The following GRB10 variants were observed in gnomAD, a reference collection of about 807,000 sequenced individuals.
GRB10 encodes growth factor receptor-bound protein 10.
Under a neutral mutation model 80.9 loss-of-function variants are expected in GRB10, and 20 were observed. The observed-to-expected ratio is 0.25, with a 90% CI of 0.17 to 0.36. The LOEUF is 0.36. GRB10 is among the 10% of genes least tolerant of loss of function. GRB10 has a pLI of 1.00. For missense variants in GRB10, 548 were observed against 747.7 expected (o/e 0.73, Z 3.12); for synonymous variants, 291 against 291.5 (o/e 1.00, Z 0.02).
At chr7:50,688,945 G>A (rs1199960174) in intron 5 of GRB10, among the ~76,000 whole-genome samples, 3 of 152,192 alleles carry the variant, frequency 2.0e-5, no homozygotes, top group Admixed American at 1.3e-4. Flanking sequence ...GTCTGTGACA[G>A]GAAGTACTCC....
At chr7:50,602,027 T>C (rs2047698185) in intron 17 of GRB10, among the ~76,000 whole-genome samples, 1 of 149,318 alleles carries the variant, frequency 6.7e-6, no homozygotes, top group African/African-American at 2.5e-5. Context: ...AACACAAAAA[T>C]CTAAGTTCAC....
intron 5 of GRB10, among the ~76,000 whole-genome samples, chr7:50,701,942 T>C (rs769269075): frequency 1.3e-5 from 2 of 152,258 alleles, no homozygotes; most frequent in Non-Finnish European, 2.9e-5. Context: ...GCTAAATTGG[T>C]AATCTCTTGG....
intron 4 of GRB10, among the ~76,000 whole-genome samples, chr7:50,708,239 G>T (rs2065306868): frequency 6.6e-6 from 1 of 152,222 alleles, no homozygotes; most frequent in Admixed American, 6.5e-5. Flanking sequence ...ATTTCAACAA[G>T]TGGCTCATTT....
At chr7:50,690,578 A>G (rs143715684) in intron 5 of GRB10, among the ~76,000 whole-genome samples, 40 of 152,356 alleles carry the variant, frequency 2.6e-4, no homozygotes, top group Middle Eastern at 3.4e-3. Context: ...ATTAAATCAG[A>G]AATGACTCAC....
chr7:50,662,995 T>C (rs1251737496), intron 7 of GRB10, among the ~76,000 whole-genome samples: 1 of 152,216 alleles, frequency 6.6e-6, no homozygotes, highest in Non-Finnish European at 1.5e-5. Context: ...CATAGATTCA[T>C]TTGTTGATTC....
Position 50,590,760 on chromosome 7 carries a change from C to T in GRB10, c.*2192G>A, listed in dbSNP as rs563739387. 4.6e-5 allele frequency: 7 copies of T among 152,698 alleles called. No individual in the cohort carries two copies. Among genetic ancestry groups the T allele is most frequent in the Admixed American group, 1.3e-4 (2 of 15,306 alleles). The allele number at this position is 152,698 out of a possible 1,614,324, so 9.5% of individuals were successfully genotyped here. On this transcript the variant is annotated 3_prime_UTR_variant, in exon 19 of 19. Transcript: ENST00000401949. ...GCTGGGGCCTTAGGAAGTCTGCCGC[C>T]ACGTGGAGGCGGTTTACATTCTCCA... is the stretch of plus-strand genomic sequence containing the variant.
chr7:50,614,289 CGT>C (rs1318047106), intron 12 of GRB10, among the ~76,000 whole-genome samples: 3 of 152,148 alleles, frequency 2.0e-5, no homozygotes, highest in Admixed American at 6.5e-5. Context: ...TGTGTGCACA[CGT>C]GTGTGTGCAT....
intron 18 of GRB10, among the ~76,000 whole-genome samples, chr7:50,594,276 G>C (rs969109492): frequency 2.0e-5 from 3 of 152,164 alleles, no homozygotes. Flanking sequence ...GGGGATGTCA[G>C]CACACAGCAG....
intron 2 of GRB10, among the ~76,000 whole-genome samples, chr7:50,764,298 C>T (rs1008714347): frequency 2.0e-5 from 3 of 152,236 alleles, no homozygotes; most frequent in African/African-American, 7.2e-5. Flanking sequence ...TTCTGCAGAA[C>T]ACATCAGGCT....
At chr7:50,674,684 A>G (rs777819350) in intron 5 of GRB10, 26 bp from the exon 6 acceptor site, 2 of 1,601,498 alleles carry the variant, frequency 1.2e-6, no homozygotes, top group Non-Finnish European at 1.7e-6. Context: ...CAAGAGCAAA[A>G]AAGAAACTTT....
At chr7:50,687,710 T>C (rs747684970) in intron 5 of GRB10, among the ~76,000 whole-genome samples, 6 of 152,054 alleles carry the variant, frequency 3.9e-5, no homozygotes, top group Non-Finnish European at 5.9e-5. Context: ...CAGCTGCCCA[T>C]GATGTAAGGT....
At chr7:50,784,786 C>A (rs2078622084), upstream of GRB10, among the ~76,000 whole-genome samples, 1 of 152,172 alleles carries the variant, frequency 6.6e-6, no homozygotes, top group Admixed American at 6.5e-5. Flanking sequence ...GAAGGCTAAG[C>A]TGGAAAGTGG....
At chr7:50,710,374 G>A (rs1010779296) in intron 4 of GRB10, among the ~76,000 whole-genome samples, 2 of 132,426 alleles carry the variant, frequency 1.5e-5, no homozygotes, top group African/African-American at 8.7e-5. Context: ...AAGGTAGCCT[G>A]GGCACAAAAC....
rs368801380 is a variant in GRB10 at position 50,606,428 on chromosome 7, G to A, written c.1195-14C>T. 107 of 1,607,482 alleles carry A rather than the reference G, an allele frequency of 6.7e-5. No homozygotes were observed. The African/African-American group carries it at 1.3e-3, about 20-fold the overall frequency. On this transcript the variant is annotated splice_polypyrimidine_tract_variant and intron_variant, in intron 13 of 18. Transcript: ENST00000401949. ...GAGCATTCCATACTGGAGAGGAGAA[G>A]CCACAGTTAGTCACCGGCCCGGGAG...
At chr7:50,746,472 G>C (rs923370896) in intron 3 of GRB10, among the ~76,000 whole-genome samples, 1 of 152,074 alleles carries the variant, frequency 6.6e-6, no homozygotes, top group African/African-American at 2.4e-5. Flanking sequence ...ACCTAAGACC[G>C]GGATTCTAAT....
At chr7:50,673,034 C>T (rs1226387281) in intron 6 of GRB10, among the ~76,000 whole-genome samples, 1 of 152,192 alleles carries the variant, frequency 6.6e-6, no homozygotes. Context: ...CTCTCCCCTC[C>T]GTAAGAAACA....
At chr7:50,670,524 T>G (rs1486426391) in intron 6 of GRB10, among the ~76,000 whole-genome samples, 1 of 122,840 alleles carries the variant, frequency 8.1e-6, no homozygotes, top group Non-Finnish European at 1.6e-5. Context: ...TCATTAGGCA[T>G]CGGGGGCGGG....
At chr7:50,789,453 C>A (rs1213350470) in intron 1 of GRB10, among the ~76,000 whole-genome samples, 1 of 152,174 alleles carries the variant, frequency 6.6e-6, no homozygotes, top group Non-Finnish European at 1.5e-5. Flanking sequence ...TTTAACGGAT[C>A]AAGTTGGTTC....
At chr7:50,596,546 G>C (rs558600497) in intron 17 of GRB10, among the ~76,000 whole-genome samples, 71 of 152,356 alleles carry the variant, frequency 4.7e-4, no homozygotes, top group Non-Finnish European at 8.7e-4. Context: ...TGCTATAAAG[G>C]AGGCAATTAG....
Sources: gnomAD v4.1 joint callset for allele counts (sites outside exome capture counted in the v4.1 genomes callset) on GRCh38, gnomAD v4.1.1 for gene constraint, MANE v1.5 for transcripts, NCBI Gene and HGNC (gene_info 2026-07-23, HGNC 2026-07-21) for gene names.